SLC16A9: variants seen among roughly 807,000 people sequenced by gnomAD.
The protein encoded by SLC16A9 is solute carrier family 16 member 9, also known as monocarboxylate transporter 9.
Under a neutral mutation model 44.3 loss-of-function variants are expected in SLC16A9, and 26 were observed. That is an observed-to-expected ratio of 0.59 (90% CI 0.43 to 0.81). SLC16A9 has a LOEUF of 0.81. Ranked by LOEUF, SLC16A9 falls within the 40% of genes least tolerant of loss-of-function variation. The probability of loss-of-function intolerance (pLI) is 0.00; values close to 1 mark genes in which losing one functional copy is unlikely to be tolerated. For synonymous variants in SLC16A9, 230 were observed against 225.1 expected (o/e 1.02, Z -0.19); for missense variants, 559 against 595.8 (o/e 0.94, Z 0.64).
At chr10:59,689,790 A>G (rs1191257378) in intron 1 of SLC16A9, among the ~76,000 whole-genome samples, 1 of 152,212 alleles carries the variant, frequency 6.6e-6, no homozygotes, top group Non-Finnish European at 1.5e-5. Flanking sequence ...ACTTGGTTCC[A>G]TTTGGGACAA....
intron 3 of SLC16A9, among the ~76,000 whole-genome samples, chr10:59,671,297 T>C (rs1015013950): frequency 3.9e-5 from 6 of 152,198 alleles, no homozygotes; most frequent in African/African-American, 1.4e-4. Context: ...GCCAGGACTC[T>C]AGGAGGAAGG....
In SLC16A9 at chr10:59,706,844, C is replaced by T. The variant is rs552984342; in HGVS notation, c.-37+2635G>A. ...AAAAAATTAGCCAGGCATGGTGGCA[C>T]GCACCTGTAATGCCAGCTACTCGGG... is the stretch of plus-strand genomic sequence containing the variant. On this transcript the variant is annotated intron_variant, in intron 1 of 5. Coordinates refer to ENST00000395348, the MANE Select transcript of SLC16A9 (RefSeq NM_194298.3). 5.9e-5 allele frequency among the ~76,000 whole-genome samples: 9 copies of T among 151,888 alleles called. No individual in the cohort carries two copies. The South Asian group carries it at 1.0e-3, about 18-fold the overall frequency.
chr10:59,652,449 G>T lies in SLC16A9; in HGVS notation c.*323C>A, dbSNP rs1212104390. The T allele has an allele frequency of 1.0e-4, 19 of 181,292 alleles. No individual in the cohort carries two copies. The highest frequency in any genetic ancestry group is 1.9e-4 in the Non-Finnish European group (17 of 87,686). The allele number at this position is 181,292 out of a possible 1,614,324, so 11.2% of individuals were successfully genotyped here. ...CAGTGGATTAAATGGAGTCGGCAGA[G>T]AAATTATACTTCTTTACACAGAGAA... On this transcript the variant is annotated 3_prime_UTR_variant, in exon 6 of 6. Coordinates refer to ENST00000395348, the MANE Select transcript of SLC16A9 (RefSeq NM_194298.3).
At chr10:59,702,523 A>G (rs1171625) in intron 1 of SLC16A9, among the ~76,000 whole-genome samples, 43,816 of 152,034 alleles carry the variant, frequency 0.29, 7,256 homozygotes, top group East Asian at 0.69. Context: ...ACAGTAAGGT[A>G]TGTGGTTTCT....
Position 59,654,539 on chromosome 10 carries a change from C to T in SLC16A9, c.487G>A (p.Glu163Lys). ...AAGCATCCATCCAGTCCATAGAACTCAACCAGCATCCTCTGCAGAGCAGCA... is the reference window on the plus strand; with the variant it reads ...AAGCATCCATCCAGTCCATAGAACTTAACCAGCATCCTCTGCAGAGCAGCA... Reference protein sequence around the residue: ...IYAALQRMLVEFYGLDGCLLI... With the variant: ...IYAALQRMLVKFYGLDGCLLI... Residue 163 changes from glutamate (E) to lysine (K), a missense_variant, in exon 5 of 6, where the codon GAG becomes AAG. By Grantham distance (56) the Glu-to-Lys change is moderately conservative (BLOSUM62 1). Transcript: ENST00000395348. The T allele has an allele frequency of 6.2e-7, 1 of 1,606,770 alleles. No homozygotes were observed. The highest frequency in any genetic ancestry group is 8.5e-7 in the Non-Finnish European group (1 of 1,179,822).
At chr10:59,685,784 G>A (rs970601253) in intron 1 of SLC16A9, among the ~76,000 whole-genome samples, 2 of 152,172 alleles carry the variant, frequency 1.3e-5, no homozygotes, top group African/African-American at 4.8e-5. Context: ...ATTTGTAATT[G>A]TAATTTCAGA....
intron 1 of SLC16A9, among the ~76,000 whole-genome samples, chr10:59,695,511 T>C (rs1840351480): frequency 6.6e-6 from 1 of 152,034 alleles, no homozygotes; most frequent in Admixed American, 6.6e-5. Context: ...ACTTAGAAAA[T>C]TAACAGCAGC....
chr10:59,685,956 AGTTTC>A (rs746345044), intron 1 of SLC16A9, among the ~76,000 whole-genome samples: 138 of 146,948 alleles, frequency 9.4e-4, no homozygotes, highest in Non-Finnish European at 1.7e-3. Context: ...ATTTCATCAT[AGTTTC>A]AACTTGCATT....
At chr10:59,692,431 G>A (rs1840273349) in intron 1 of SLC16A9, among the ~76,000 whole-genome samples, 1 of 152,218 alleles carries the variant, frequency 6.6e-6, no homozygotes. Context: ...GTTAAAGGGT[G>A]CAGGGCTTCT....
chr10:59,672,911 G>T lies in SLC16A9; in HGVS notation c.199C>A (p.Pro67Thr), dbSNP rs1839785255. 1 of 1,597,166 alleles carries T rather than the reference G, an allele frequency of 6.3e-7. No homozygotes were observed. The highest frequency in any genetic ancestry group is 1.4e-5 in the African/African-American group (1 of 73,462). Residue 67 changes from proline (P) to threonine (T), a missense_variant and splice_region_variant, in exon 3 of 6, where the codon CCT becomes ACT. Transcript: ENST00000395348. Reference sequence around the variant, plus strand: ...GATGAGACACAGAGACTGCAGACAGGACCTAAAAAAAGAAATGAAACCTTC... The same window carrying T: ...GATGAGACACAGAGACTGCAGACAGTACCTAAAAAAAGAAATGAAACCTTC... ...LASGVGLLAS[P>T]VCSLCVSSFG...
Position 59,653,829 on chromosome 10 carries a change from C to A in SLC16A9, c.1197G>T (p.Ala399=), listed in dbSNP as rs574548077. The change falls in exon 5 of 6, where the codon GCG becomes GCT. Residue 399 remains alanine (A), a synonymous_variant. Coordinates refer to ENST00000395348, the MANE Select transcript of SLC16A9 (RefSeq NM_194298.3). The part of the protein sequence containing the change: ...IPFAKSYVTL[A]LLSGILGFLT... ...GAAACCCTAGGATCCCAGAAAGCAA[C>A]GCCAATGTGACATAGCTTTTGGCAA... 13 of 1,614,082 alleles carry A rather than the reference C, an allele frequency of 8.1e-6. No homozygotes were observed. The Admixed American group carries it at 1.8e-4, about 23-fold the overall frequency.
At chr10:59,682,590 G>A (rs1332711362) in intron 2 of SLC16A9, among the ~76,000 whole-genome samples, 4 of 152,120 alleles carry the variant, frequency 2.6e-5, no homozygotes, top group East Asian at 3.9e-4. Context: ...AATTGAGTCA[G>A]CATTTTAATT....
chr10:59,697,219 C>G lies in SLC16A9; in HGVS notation c.-37+12260G>C, dbSNP rs1291164023. 4.0e-5 allele frequency among the ~76,000 whole-genome samples: 6 copies of G among 151,598 alleles called. No individual in the cohort carries two copies. The South Asian group carries it at 6.3e-4, about 16-fold the overall frequency. ...GAGCCCCTCTGCCCGGCCACCACCC[C>G]GTCTGGGAGGTGTACTCAACAGCTC... is the stretch of plus-strand genomic sequence containing the variant. On this transcript the variant is annotated intron_variant, in intron 1 of 5. Transcript: ENST00000395348.
chr10:59,679,660 C>G (rs1390748132), intron 2 of SLC16A9, among the ~76,000 whole-genome samples: 1 of 152,172 alleles, frequency 6.6e-6, no homozygotes, highest in African/African-American at 2.4e-5. Flanking sequence ...TACAAAATAA[C>G]TTCCCAGCAA....
chr10:59,700,238 T>G (rs533082077), intron 1 of SLC16A9, among the ~76,000 whole-genome samples: 7 of 152,288 alleles, frequency 4.6e-5, no homozygotes, highest in Admixed American at 4.6e-4. Flanking sequence ...GGAAACCACA[T>G]AGCTGGCTAC....
In SLC16A9 at chr10:59,670,533, C is replaced by G. The variant is rs115610982; in HGVS notation, c.340+2237G>C. On this transcript the variant is annotated intron_variant, in intron 3 of 5. Coordinates refer to ENST00000395348, the MANE Select transcript of SLC16A9 (RefSeq NM_194298.3). ...CCACATGGTCTAACCCCAGAGCCTG[C>G]CTGCTAGTCAGTGTCTGATCTTTCC... Among the ~76,000 whole-genome samples the G allele has an allele frequency of 1.5e-3, 223 of 152,304 alleles. 3 individuals carry two copies. The highest frequency in any genetic ancestry group is 5.3e-3 in the African/African-American group (220 of 41,570).
intron 4 of SLC16A9, among the ~76,000 whole-genome samples, chr10:59,658,933 T>G (rs1904071): frequency 0.26 from 40,041 of 152,100 alleles, 6,666 homozygotes; most frequent in East Asian, 0.59. Flanking sequence ...CTACTGACGT[T>G]CTTCAGGCTA....
intron 1 of SLC16A9, among the ~76,000 whole-genome samples, chr10:59,703,516 A>G (rs1015131007): frequency 6.6e-6 from 1 of 152,182 alleles, no homozygotes; most frequent in Non-Finnish European, 1.5e-5. Context: ...ATTTGGATAC[A>G]GGGAGTACTA....
In SLC16A9 at chr10:59,651,487, A is replaced by C. The variant is rs991396797; in HGVS notation, c.*1285T>G. ...GTTATCAGAATCACTTGAAGAGCTC[A>C]GTAAAATTATAGATGTTTGGGCAAC... On this transcript the variant is annotated 3_prime_UTR_variant, in exon 6 of 6. Transcript: ENST00000395348. 12 of 152,190 alleles carry C rather than the reference A, an allele frequency of 7.9e-5. No homozygotes were observed. Among genetic ancestry groups the C allele is most frequent in the African/African-American group, 2.9e-4 (12 of 41,432 alleles). The allele number at this position is 152,190 out of a possible 1,614,324, so 9.4% of individuals were successfully genotyped here.
Sources: gnomAD v4.1 joint callset for allele counts (sites outside exome capture counted in the v4.1 genomes callset) on GRCh38, gnomAD v4.1.1 for gene constraint, MANE v1.5 for transcripts, NCBI Gene and HGNC (gene_info 2026-07-23, HGNC 2026-07-21) for gene names.